Variants in IPO9 observed in about 807,000 individuals in gnomAD.
The protein encoded by IPO9 is importin 9, also known as importin-9.
IPO9 carries 28 observed loss-of-function variants against 128.6 expected under a neutral mutation model. The observed-to-expected ratio is 0.22, with a 90% confidence interval of 0.16 to 0.30. The LOEUF (loss-of-function observed/expected upper bound fraction) is 0.30. IPO9 is among the 10% of genes least tolerant of loss of function. IPO9 has a pLI of 1.00. For missense variants in IPO9, 935 were observed against 1,293.9 expected, an observed-to-expected ratio of 0.72 and a Z score of 4.26; for synonymous variants, 455 against 475.8, an observed-to-expected ratio of 0.96 and a Z score of 0.57.
intron 16 of IPO9, among the ~76,000 whole-genome samples, chr1:201,869,206 G>A (rs140826133): frequency 3.4e-4 from 52 of 152,248 alleles, no homozygotes; most frequent in Admixed American, 5.2e-4. Flanking sequence ...AGTGGAGATC[G>A]TGCCACTGCA....
intron 1 of IPO9, among the ~76,000 whole-genome samples, chr1:201,840,222 C>T (rs983269927): frequency 2.6e-5 from 4 of 152,084 alleles, no homozygotes; most frequent in African/African-American, 9.7e-5. Flanking sequence ...CCCAAGTAGC[C>T]GAGGCTACAG....
intron 3 of IPO9, among the ~76,000 whole-genome samples, chr1:201,847,866 T>C (rs1167799982): frequency 6.6e-6 from 1 of 152,184 alleles, no homozygotes; most frequent in Non-Finnish European, 1.5e-5. Context: ...TCATTGGAAA[T>C]GTAGTTAACA....
At chr1:201,852,008 G>T in intron 4 of IPO9, 96 bp from the exon 5 acceptor site, 2 of 700,634 alleles carry the variant, frequency 2.9e-6, no homozygotes, top group East Asian at 5.4e-5. Flanking sequence ...CTGTCTGTTT[G>T]GGAACTGCCA....
chr1:201,832,120 C>T (rs920502469), intron 1 of IPO9, among the ~76,000 whole-genome samples: 68 of 150,984 alleles, frequency 4.5e-4, no homozygotes, highest in African/African-American at 1.7e-3. Flanking sequence ...CAGGTTGTCT[C>T]GAACTCCTGA....
chr1:201,842,317 A>ATT (rs1423626837), intron 1 of IPO9, among the ~76,000 whole-genome samples: 1 of 152,166 alleles, frequency 6.6e-6, no homozygotes, highest in African/African-American at 2.4e-5. Context: ...TGAGGTCTGG[A>ATT]AGGGTGGAAT....
At chr1:201,873,660 T>G (rs1201088204) in intron 20 of IPO9, among the ~76,000 whole-genome samples, 1 of 151,814 alleles carries the variant, frequency 6.6e-6, no homozygotes, top group Non-Finnish European at 1.5e-5. Context: ...GGCAGGAGAA[T>G]CGCTTGAACC....
intron 4 of IPO9, among the ~76,000 whole-genome samples, chr1:201,851,382 C>T (rs1680214218): frequency 6.6e-6 from 1 of 151,736 alleles, no homozygotes; most frequent in South Asian, 2.1e-4. Flanking sequence ...TACTGGAACT[C>T]AAGAGCTTTA....
At chr1:201,865,682 T>C (rs547542699) in intron 14 of IPO9, among the ~76,000 whole-genome samples, 1 of 152,364 alleles carries the variant, frequency 6.6e-6, no homozygotes, top group Non-Finnish European at 1.5e-5. Context: ...CAAATAATTA[T>C]ACTTGTTTCA....
intron 1 of IPO9, among the ~76,000 whole-genome samples, chr1:201,831,251 C>T (rs1476312771): frequency 6.6e-6 from 1 of 152,092 alleles, no homozygotes; most frequent in African/African-American, 2.4e-5. Context: ...AGATCGACTG[C>T]CCCCCGACCC....
intron 1 of IPO9, among the ~76,000 whole-genome samples, chr1:201,834,785 A>G (rs918496317): frequency 3.3e-5 from 5 of 152,154 alleles, no homozygotes; most frequent in Admixed American, 2.6e-4. Context: ...TACCACCATT[A>G]TGTTGAACAG....
intron 4 of IPO9, among the ~76,000 whole-genome samples, chr1:201,851,796 T>C (rs980912258): frequency 2.6e-5 from 4 of 152,248 alleles, no homozygotes; most frequent in Non-Finnish European, 5.9e-5. Context: ...TACAGAATTT[T>C]CCCAAGTTGA....
Position 201,859,205 on chromosome 1 carries a change from A to ATG in IPO9, c.1468+212_1468+213insGT, listed in dbSNP as rs1558221395. On this transcript the variant is annotated intron_variant, in intron 13 of 23. Transcript: ENST00000361565. ...AATATATATATATATATATATATAT[A>ATG]TAAAGGAAACTCTTTAAACCTGTCA... 1.3e-4 allele frequency among the ~76,000 whole-genome samples: 19 copies of ATG among 144,562 alleles called. 1 individual carries two copies. The highest frequency in any genetic ancestry group is 4.8e-4 in the African/African-American group (19 of 39,268). The allele number at this position is 144,562 out of a possible 152,430, so 94.8% of individuals were successfully genotyped here. A position where few individuals can be genotyped will look rare whatever the true frequency, so the allele number is the denominator to read the frequency against.
At chr1:201,850,852 G>A (rs921506410) in intron 4 of IPO9, 36 of 152,118 alleles carry the variant, frequency 2.4e-4, no homozygotes, top group Admixed American at 7.9e-4. Flanking sequence ...AATTACAGCT[G>A]TAAAGAAAAT....
chr1:201,865,049 A>G (rs1457516839), intron 14 of IPO9, among the ~76,000 whole-genome samples: 3 of 152,158 alleles, frequency 2.0e-5, no homozygotes, highest in African/African-American at 4.8e-5. Flanking sequence ...CTTGAAGCCT[A>G]TCTGTGGATC....
At chr1:201,839,440 A>G (rs554396114) in intron 1 of IPO9, among the ~76,000 whole-genome samples, 2 of 151,620 alleles carry the variant, frequency 1.3e-5, no homozygotes, top group East Asian at 3.9e-4. Context: ...TGGTGCCTGT[A>G]GTCCCAACTA....
intron 1 of IPO9, among the ~76,000 whole-genome samples, chr1:201,845,483 A>C (rs558668744): frequency 6.6e-6 from 1 of 152,194 alleles, no homozygotes; most frequent in African/African-American, 2.4e-5. Context: ...ATTGTGACCT[A>C]TGTATCTACC....
At chr1:201,856,932 C>G (rs555585639) in intron 10 of IPO9, among the ~76,000 whole-genome samples, 164 bp from the exon 11 acceptor site, 1 of 152,324 alleles carries the variant, frequency 6.6e-6, no homozygotes, top group South Asian at 2.1e-4. Context: ...AGCAGTCCTC[C>G]CACCTTGGCC....
Position 201,883,999 on chromosome 1 carries a change from C to T in IPO9, c.*7945C>T, listed in dbSNP as rs529377945. On this transcript the variant is annotated 3_prime_UTR_variant, in exon 24 of 24. Transcript: ENST00000361565. ...GGGGATTCTAGTGGGTTGAACCGAA[C>T]GGTAGTCCGTTTCCAAAAGAGGAAG... 3 of 152,340 alleles carry T rather than the reference C, an allele frequency of 2.0e-5. No individual in the cohort carries two copies. Among genetic ancestry groups the T allele is most frequent in the Admixed American group, 6.5e-5 (1 of 15,304 alleles). The allele number at this position is 152,340 out of a possible 1,614,324, so 9.4% of individuals were successfully genotyped here. A position where few individuals can be genotyped will look rare whatever the true frequency, so the allele number is the denominator to read the frequency against.
In IPO9 at chr1:201,876,062, A is replaced by T. The variant is rs1180601795; in HGVS notation, c.*8A>T. On this transcript the variant is annotated 3_prime_UTR_variant, in exon 24 of 24. Transcript: ENST00000361565. ...CAGACCATCGGCATCTAAAAAGGGG[A>T]GCCTTTCTACATTTGCTCCTTCTGG... 4 of 1,574,854 alleles carry T rather than the reference A, an allele frequency of 2.5e-6. No individual in the cohort carries two copies. In the East Asian group the frequency reaches 9.0e-5, roughly 35 times the overall value.
Sources: allele counts gnomAD v4.1 joint callset (sites outside exome capture counted in the v4.1 genomes callset), GRCh38; gene constraint gnomAD v4.1.1; transcripts MANE v1.5; gene names NCBI Gene and HGNC (gene_info 2026-07-23, HGNC 2026-07-21).